The following SCML4 variants were observed in gnomAD, a reference collection of about 807,000 sequenced individuals.
SCML4 encodes sex comb on midleg-like protein 4.
A neutral mutation model predicts 41.1 loss-of-function variants in SCML4; 34 were observed. The observed-to-expected ratio is 0.83, with a 90% confidence interval of 0.63 to 1.10. The LOEUF is 1.10. Among genes scored for constraint, SCML4 ranks in the 50% least tolerant of loss-of-function variants. The pLI is 0.00. For synonymous variants in SCML4, 214 were observed against 220.9 expected, an observed-to-expected ratio of 0.97 and a Z score of 0.28; for missense variants, 522 against 534.1, an observed-to-expected ratio of 0.98 and a Z score of 0.22.
chr6:107,779,044 G>A (rs987380384), intron 1 of SCML4, among the ~76,000 whole-genome samples: 1 of 152,104 alleles, frequency 6.6e-6, no homozygotes, highest in South Asian at 2.1e-4. Context: ...GCCGGGCGTG[G>A]TGGCGGGCGC....
intron 2 of SCML4, among the ~76,000 whole-genome samples, chr6:107,766,602 C>T (rs571751103): frequency 1.6e-4 from 24 of 152,316 alleles, no homozygotes; most frequent in Middle Eastern, 3.4e-3. Flanking sequence ...GTGAAAATAA[C>T]AACTAACATT....
chr6:107,735,039 C>G (rs1022375196), intron 5 of SCML4, among the ~76,000 whole-genome samples: 5 of 152,098 alleles, frequency 3.3e-5, no homozygotes, highest in Non-Finnish European at 5.9e-5. Flanking sequence ...CCACACCTGG[C>G]TAAGTTTTGT....
intron 1 of SCML4, among the ~76,000 whole-genome samples, chr6:107,803,524 C>T (rs1393824095): frequency 6.7e-6 from 1 of 149,616 alleles, no homozygotes; most frequent in African/African-American, 2.5e-5. Context: ...CCCCTCTGCC[C>T]GGCCACCACC....
chr6:107,718,740 T>C (rs1775077335), intron 6 of SCML4: 1 of 152,378 alleles, frequency 6.6e-6, no homozygotes, highest in South Asian at 2.1e-4. Context: ...AGGGCTGAGA[T>C]TGCACCAACG....
chr6:107,814,648 G>A (rs893262247), intron 1 of SCML4, among the ~76,000 whole-genome samples: 1 of 152,164 alleles, frequency 6.6e-6, no homozygotes, highest in Non-Finnish European at 1.5e-5. Context: ...CACCTCCCAG[G>A]TTCAAGAGAT....
chr6:107,785,078 A>C (rs889733864), intron 1 of SCML4, among the ~76,000 whole-genome samples: 1 of 152,186 alleles, frequency 6.6e-6, no homozygotes, highest in Non-Finnish European at 1.5e-5. Flanking sequence ...CAGATCTCTC[A>C]ACTCCCTGTT....
At chr6:107,769,924 A>G (rs189148035) in intron 2 of SCML4, among the ~76,000 whole-genome samples, 154 of 152,346 alleles carry the variant, frequency 1.0e-3, no homozygotes, top group Admixed American at 1.4e-3. Flanking sequence ...TTTTCTTAGC[A>G]ATGAAATACA....
chr6:107,709,104 C>T (rs1021558708), intron 6 of SCML4, among the ~76,000 whole-genome samples: 6 of 152,116 alleles, frequency 3.9e-5, no homozygotes, highest in African/African-American at 1.2e-4. Context: ...TATTTTTGGG[C>T]CATGTCCTTT....
chr6:107,725,902 C>G (rs1348471546), intron 5 of SCML4, among the ~76,000 whole-genome samples: 1 of 151,498 alleles, frequency 6.6e-6, no homozygotes, highest in Non-Finnish European at 1.5e-5. Context: ...CACAGTGAAA[C>G]CCCGTCTCTA....
intron 2 of SCML4, among the ~76,000 whole-genome samples, chr6:107,761,861 A>T (rs1779632065): frequency 6.6e-6 from 1 of 152,042 alleles, no homozygotes. Context: ...AACAACAAAA[A>T]CTGAGAGTTT....
chr6:107,807,439 A>C (rs1783824402), intron 1 of SCML4, among the ~76,000 whole-genome samples: 1 of 152,168 alleles, frequency 6.6e-6, no homozygotes, highest in Non-Finnish European at 1.5e-5. Flanking sequence ...GCCATGGGTA[A>C]ACTTTGAGGG....
chr6:107,766,936 GTACTATTAAGCTA>G (rs1780096260), intron 2 of SCML4, among the ~76,000 whole-genome samples: 1 of 146,696 alleles, frequency 6.8e-6, no homozygotes, highest in South Asian at 2.1e-4. Flanking sequence ...CTTCCCATCT[GTACTATTAAGCTA>G]TTTTTTTTTT....
At chr6:107,781,076 A>T (rs566868725) in intron 1 of SCML4, among the ~76,000 whole-genome samples, 3 of 152,204 alleles carry the variant, frequency 2.0e-5, no homozygotes, top group Admixed American at 2.0e-4. Context: ...TTTAGTAAGT[A>T]TAGGAGAGCT....
At chr6:107,774,477 G>T (rs1366730730) in intron 1 of SCML4, among the ~76,000 whole-genome samples, 1 of 152,054 alleles carries the variant, frequency 6.6e-6, no homozygotes, top group African/African-American at 2.4e-5. Flanking sequence ...TCCAAAAAGA[G>T]GCTACTAAAA....
At chr6:107,788,847 A>T (rs1782105622) in intron 1 of SCML4, among the ~76,000 whole-genome samples, 1 of 152,200 alleles carries the variant, frequency 6.6e-6, no homozygotes, top group Non-Finnish European at 1.5e-5. Context: ...GGAAAGTAAA[A>T]TGTCACCAGG....
At chr6:107,740,078 C>T in intron 5 of SCML4, 1 of 469,274 alleles carries the variant, frequency 2.1e-6, no homozygotes, top group Non-Finnish European at 4.4e-6. Context: ...TCATTACTTC[C>T]AAACCTCCCA....
intron 5 of SCML4, among the ~76,000 whole-genome samples, chr6:107,726,285 G>A (rs959516481): frequency 2.0e-5 from 3 of 152,066 alleles, no homozygotes; most frequent in African/African-American, 4.8e-5. Flanking sequence ...TGTAATCCCA[G>A]CACCTTGGGA....
intron 1 of SCML4, among the ~76,000 whole-genome samples, chr6:107,778,222 A>AAAAAAAATATATATAT (rs1554218145): frequency 6.4e-5 from 1 of 15,534 alleles, no homozygotes; most frequent in African/African-American, 1.5e-4. Context: ...AAAAAAAAAA[A>AAAAAAAATATATATAT]ATATATATAT....
intron 2 of SCML4, among the ~76,000 whole-genome samples, chr6:107,766,227 G>A (rs994787290): frequency 1.4e-4 from 21 of 152,022 alleles, no homozygotes; most frequent in East Asian, 1.9e-4. Flanking sequence ...AAAATTAGCC[G>A]GGCGTGGTGG....
Sources: allele counts gnomAD v4.1 joint callset (sites outside exome capture counted in the v4.1 genomes callset), GRCh38; gene constraint gnomAD v4.1.1; transcripts MANE v1.5; gene names NCBI Gene and HGNC (gene_info 2026-07-23, HGNC 2026-07-21).